Variants in ZBED4 observed in about 807,000 individuals in gnomAD.
ZBED4 encodes the protein zinc finger BED-type containing 4.
ZBED4 carries 4 observed loss-of-function variants against 15.5 expected under a neutral mutation model. That is an observed-to-expected ratio of 0.26 (90% CI 0.13 to 0.59). The LOEUF is 0.59. Ranked by LOEUF, ZBED4 falls within the 20% of genes least tolerant of loss-of-function variation. ZBED4 has a pLI of 0.90. For synonymous variants in ZBED4, 692 were observed against 608.5 expected, an observed-to-expected ratio of 1.14 and a Z score of -2.02; for missense variants, 1,323 against 1,461.8, an observed-to-expected ratio of 0.91 and a Z score of 1.55.
chr22:49,866,892 G>A (rs967475097), intron 1 of ZBED4, among the ~76,000 whole-genome samples: 2 of 152,150 alleles, frequency 1.3e-5, no homozygotes, highest in Non-Finnish European at 2.9e-5. Flanking sequence ...GGTGGCTCTC[G>A]GCAAATGCAC....
At position 49,888,208 on chromosome 22, in the gene ZBED4, T is replaced by C. The variant is rs1196103524; in HGVS notation, c.*1030T>C. The C allele has an allele frequency of 6.0e-6, 1 of 167,184 alleles. No homozygotes were observed. The highest frequency in any genetic ancestry group is 1.5e-5 in the Non-Finnish European group (1 of 68,114). The allele number at this position is 167,184 out of a possible 1,614,324, so 10.4% of individuals were successfully genotyped here. A position where few individuals can be genotyped will look rare whatever the true frequency, so the allele number is the denominator to read the frequency against. Reference sequence around the variant, plus strand: ...CAAGGACATCAGAGTGAAGTGTCAGTTGTCAGATGATTTTAAAAGTTATGT... The same window carrying C: ...CAAGGACATCAGAGTGAAGTGTCAGCTGTCAGATGATTTTAAAAGTTATGT... On this transcript the variant is annotated 3_prime_UTR_variant, in exon 2 of 2. Transcript: ENST00000216268.
chr22:49,857,325 G>A (rs966414108), intron 1 of ZBED4, among the ~76,000 whole-genome samples: 3 of 152,226 alleles, frequency 2.0e-5, no homozygotes, highest in Admixed American at 2.0e-4. Context: ...ATGGGTACAC[G>A]GCGAGGGTGC....
intron 1 of ZBED4, among the ~76,000 whole-genome samples, chr22:49,859,168 T>C (rs2060286996): frequency 6.6e-6 from 1 of 152,168 alleles, no homozygotes; most frequent in East Asian, 1.9e-4. Context: ...GTTGTTCTTT[T>C]TTTCTTTATT....
At chr22:49,876,722 C>G (rs905697577) in intron 1 of ZBED4, among the ~76,000 whole-genome samples, 1 of 152,106 alleles carries the variant, frequency 6.6e-6, no homozygotes, top group Non-Finnish European at 1.5e-5. Flanking sequence ...CATGAAATCT[C>G]TCGTTTTCAT....
Position 49,887,490 on chromosome 22 carries a change from T to A in ZBED4, c.*312T>A, listed in dbSNP as rs146197630. 64 of 253,706 alleles carry A rather than the reference T, an allele frequency of 2.5e-4. No homozygotes were observed. The highest frequency in any genetic ancestry group is 4.9e-4 in the Non-Finnish European group (60 of 121,938). The allele number at this position is 253,706 out of a possible 1,614,324, so 15.7% of individuals were successfully genotyped here. Reference sequence around the variant, plus strand: ...GGGTTAGTAATTTGTTTTACTAGAATGACAAAGAAGATGTAAACCATTTTA... The same window carrying A: ...GGGTTAGTAATTTGTTTTACTAGAAAGACAAAGAAGATGTAAACCATTTTA... On this transcript the variant is annotated 3_prime_UTR_variant, in exon 2 of 2. Transcript: ENST00000216268.
intron 1 of ZBED4, among the ~76,000 whole-genome samples, chr22:49,867,241 C>A (rs1395828619): frequency 2.0e-5 from 3 of 152,180 alleles, no homozygotes; most frequent in Non-Finnish European, 4.4e-5. Flanking sequence ...TAATTTAACT[C>A]CATTGTGTTT....
intron 1 of ZBED4, among the ~76,000 whole-genome samples, chr22:49,879,166 A>G (rs184721444): frequency 8.0e-4 from 120 of 150,920 alleles, no homozygotes; most frequent in Non-Finnish European, 1.4e-3. Flanking sequence ...AAAAACAAAA[A>G]AAAACAGGAG....
In ZBED4 at chr22:49,883,794, C is replaced by T. The variant is rs141108653; in HGVS notation, c.132C>T (p.Ser44=). The stretch of plus-strand genomic sequence containing the variant: ...GTTTGGAAAGAATGGACTTTAAAAG[C>T]GAGCAGGAGGACATGAAGCAGACAG... ...PDSLERMDFK[S]EQEDMKQTDS... is the part of the protein sequence containing the mutation. The change falls in exon 2 of 2, where the codon AGC becomes AGT. Residue 44 remains serine (S), a synonymous_variant. Coordinates refer to ENST00000216268, the MANE Select transcript of ZBED4 (RefSeq NM_014838.3). 3.3e-4 allele frequency: 534 copies of T among 1,613,034 alleles called. 2 individuals are homozygous for T. Among genetic ancestry groups the T allele is most frequent in the Non-Finnish European group, 4.1e-4 (488 of 1,179,304 alleles).
At chr22:49,871,477 TGTCTCAAAAATAA>T (rs2060347205) in intron 1 of ZBED4, among the ~76,000 whole-genome samples, 1 of 151,898 alleles carries the variant, frequency 6.6e-6, no homozygotes, top group South Asian at 2.1e-4. Context: ...AGTGAGACTC[TGTCTCAAAAATAA>T]AAAAAAAGTT....
intron 1 of ZBED4, among the ~76,000 whole-genome samples, chr22:49,873,705 A>G (rs560800036): frequency 2.0e-5 from 3 of 152,250 alleles, no homozygotes; most frequent in African/African-American, 7.2e-5. Flanking sequence ...GATATGAGGT[A>G]TTGGGTCTTC....
At chr22:49,870,114 A>T (rs901911104) in intron 1 of ZBED4, among the ~76,000 whole-genome samples, 1 of 152,188 alleles carries the variant, frequency 6.6e-6, no homozygotes, top group Non-Finnish European at 1.5e-5. Context: ...ACTTAGGATG[A>T]TGGTCTCCAG....
Position 49,885,572 on chromosome 22 carries a change from G to A in ZBED4, c.1910G>A (p.Gly637Asp), listed in dbSNP as rs772237818. Reference sequence around the variant, plus strand: ...GTGCCGCGGGGCACAGAATTATCAGGCGCTTCCTCTTTTGATGACACCAAT... The same window carrying A: ...GTGCCGCGGGGCACAGAATTATCAGACGCTTCCTCTTTTGATGACACCAAT... ...TRVPRGTELSGASSFDDTNEK... is the reference protein window; with the variant it reads ...TRVPRGTELSDASSFDDTNEK... The change falls in exon 2 of 2, where the codon GGC (glycine) becomes GAC (aspartate). Residue 637 changes from glycine to aspartate, a missense_variant. Gly to Asp is a moderately conservative substitution (Grantham distance 94, BLOSUM62 -1). Around this residue, in one of 6 missense-constraint regions of ZBED4, gnomAD observed 429 missense variants for 397.9 expected, o/e 1.08. Transcript: ENST00000216268. The A allele has an allele frequency of 1.2e-5, 19 of 1,603,222 alleles. No individual in the cohort carries two copies. The Admixed American group carries it at 2.7e-4, about 23-fold the overall frequency.
chr22:49,884,960 C>T lies in ZBED4; in HGVS notation c.1298C>T (p.Ala433Val). The change falls in exon 2 of 2, where the codon GCT becomes GTT. Residue 433 changes from alanine to valine, a missense_variant. Transcript: ENST00000216268. ...ASASSPEKQQ[A>V]DGLSPRLFES... is the part of the protein sequence containing the mutation. ...GCGTCCTCTCCTGAGAAGCAGCAGG[C>T]TGATGGGCTGAGTCCTAGATTGTTT... The T allele has an allele frequency of 1.2e-6, 2 of 1,612,078 alleles. No individual in the cohort carries two copies. The highest frequency in any genetic ancestry group is 1.7e-6 in the Non-Finnish European group (2 of 1,178,914).
rs762082118 is a variant in ZBED4, at chr22:49,886,168, G to A, written c.2506G>A (p.Val836Ile). The change falls in exon 2 of 2, where the codon GTC becomes ATC. Residue 836 changes from valine to isoleucine, a missense_variant. Physicochemically the swap from Val to Ile is conservative, Grantham distance 29. Transcript: ENST00000216268. This position sits in a 1 kb window ranked among gnomAD's most constrained non-coding sequence, Gnocchi z 7.7. Reference protein sequence around the residue: ...QCFSHTVNLIVSEAIKSQRMV... With the variant: ...QCFSHTVNLIISEAIKSQRMV... ...CTTCAGCCATACGGTGAACCTGATC[G>A]TCAGCGAGGCCATTAAGAGCCAGCG... The A allele has an allele frequency of 3.3e-5, 23 of 699,468 alleles. No homozygotes were observed. The highest frequency in any genetic ancestry group is 5.3e-5 in the African/African-American group (3 of 56,312). The allele number at this position is 699,468 out of a possible 1,614,324, so 43.3% of individuals were successfully genotyped here.
intron 1 of ZBED4, among the ~76,000 whole-genome samples, chr22:49,861,118 C>G (rs2060295449): frequency 6.6e-6 from 1 of 152,164 alleles, no homozygotes; most frequent in Non-Finnish European, 1.5e-5. Context: ...TAAAAGTAAG[C>G]AAAACACACC....
At chr22:49,882,711 C>T (rs1203429805) in intron 1 of ZBED4, among the ~76,000 whole-genome samples, 2 of 152,194 alleles carry the variant, frequency 1.3e-5, no homozygotes, top group African/African-American at 2.4e-5. Context: ...TGTCAGGTCC[C>T]GTGACTGTCT....
chr22:49,870,195 A>T (rs980898679), intron 1 of ZBED4, among the ~76,000 whole-genome samples: 2 of 152,162 alleles, frequency 1.3e-5, no homozygotes, highest in East Asian at 3.8e-4. Context: ...CATGGTGTGG[A>T]TATACCACAT....
intron 1 of ZBED4, among the ~76,000 whole-genome samples, chr22:49,865,249 A>T (rs897912420): frequency 6.6e-6 from 1 of 152,052 alleles, no homozygotes; most frequent in Non-Finnish European, 1.5e-5. Flanking sequence ...CCAAACAGAA[A>T]AGGCACAGTA....
rs557914622 is a variant in ZBED4, at chr22:49,875,430, C to CT, written c.-329-7896dup. 1.3e-3 allele frequency among the ~76,000 whole-genome samples: 110 copies of CT among 85,612 alleles called. 1 individual carries two copies. The East Asian group carries it at 0.026, about 20-fold the overall frequency. The allele number at this position is 85,612 out of a possible 152,430, so 56.2% of individuals were successfully genotyped here. ...CATAATTTATTTTCTTTTTTTTTTT[C>CT]TTTTTTTTGAGACGGAGTCTTGCTC... On this transcript the variant is annotated intron_variant, in intron 1 of 1. Transcript: ENST00000216268.
Sources: allele counts gnomAD v4.1 joint callset (sites outside exome capture counted in the v4.1 genomes callset), GRCh38; gene constraint gnomAD v4.1.1; regional missense constraint gnomAD v4.1.1; non-coding constraint Gnocchi (gnomAD v3.1); transcripts MANE v1.5; gene names NCBI Gene and HGNC (gene_info 2026-07-23, HGNC 2026-07-21).